SLC2A3: variants seen among roughly 807,000 people sequenced by gnomAD.
SLC2A3 encodes the protein solute carrier family 2, facilitated glucose transporter member 3.
A neutral mutation model predicts 46.4 loss-of-function variants in SLC2A3; 21 were observed. The ratio of observed to expected loss-of-function variants is 0.45; its 90% confidence interval spans 0.32 to 0.65. The LOEUF (loss-of-function observed/expected upper bound fraction) is 0.65, where lower values mean the gene tolerates loss of function less well. Ranked by LOEUF, SLC2A3 falls within the 30% of genes least tolerant of loss-of-function variation. SLC2A3 has a pLI of 0.04. For missense variants in SLC2A3, 499 were observed against 623.3 expected, an observed-to-expected ratio of 0.80 and a Z score of 2.12; for synonymous variants, 213 against 239.4, an observed-to-expected ratio of 0.89 and a Z score of 1.02.
rs1268020020 is a variant in SLC2A3 at position 7,929,918 on chromosome 12, C to T, written c.674-47G>A. ...AAAGGATAAAAGAGAATGTGCTGCC[C>T]CAAATTCATTCTTCCTGTAAGGCAG... On this transcript the variant is annotated intron_variant, in intron 5 of 9. Transcript: ENST00000075120. 6 of 1,612,636 alleles carry T rather than the reference C, an allele frequency of 3.7e-6. No homozygotes were observed. In the Admixed American group the frequency reaches 5.0e-5, roughly 13 times the overall value.
rs1946038465 is a variant in SLC2A3, at chr12:7,921,749, G to A, written c.1273-118C>T. 8 of 1,140,910 alleles carry A rather than the reference G, an allele frequency of 7.0e-6. No homozygotes were observed. In the Admixed American group the frequency reaches 2.2e-4, roughly 32 times the overall value. 70.7% of individuals were successfully genotyped at this position (1,140,910 alleles called of 1,614,324 possible). On this transcript the variant is annotated intron_variant, in intron 9 of 9. Transcript: ENST00000075120. ...AAGCTATAACCCTTCCATATTTAAT[G>A]AAAACAGGTTTCTTCAGATTCGCTT...
Position 7,936,040 on chromosome 12 carries a change from T to A in SLC2A3, c.-6A>T. The A allele has an allele frequency of 6.2e-7, 1 of 1,607,060 alleles. No individual in the cohort carries two copies. The highest frequency in any genetic ancestry group is 8.5e-7 in the Non-Finnish European group (1 of 1,173,584). ...CTTACCTTCTGTGTCCCCATCGCTG[T>A]AATCTAATTCAAGTCTTCAAGAAAG... On this transcript the variant is annotated 5_prime_UTR_variant, in exon 1 of 10. Coordinates refer to ENST00000075120, the MANE Select transcript of SLC2A3 (RefSeq NM_006931.3).
At chr12:7,928,868 AGGCTTGACTCCTG>A (rs2121192104) in intron 6 of SLC2A3, among the ~76,000 whole-genome samples, 1 of 151,804 alleles carries the variant, frequency 6.6e-6, no homozygotes, top group Non-Finnish European at 1.5e-5. Context: ...TATATTTCCC[AGGCTTGACTCCTG>A]GGCCTAAGTG....
chr12:7,926,282 G>C (rs1946094212), intron 6 of SLC2A3, among the ~76,000 whole-genome samples: 1 of 152,050 alleles, frequency 6.6e-6, no homozygotes, highest in African/African-American at 2.4e-5. Flanking sequence ...GTAGAGATGG[G>C]TTTTCACCTT....
At position 7,925,683 on chromosome 12, in the gene SLC2A3, G is replaced by T. The variant is rs189940236; in HGVS notation, c.966+161C>A. On this transcript the variant is annotated intron_variant, in intron 7 of 9. Coordinates refer to ENST00000075120, the MANE Select transcript of SLC2A3 (RefSeq NM_006931.3). ...CCCATCCATCCCATATTTGCTTGAA[G>T]AGTGAAGACTACATCCAACATTAAA... 595 of 604,420 alleles carry T rather than the reference G, an allele frequency of 9.8e-4. 9 individuals are homozygous for T. The East Asian group carries it at 0.014, about 14-fold the overall frequency. The allele number at this position is 604,420 out of a possible 1,614,324, so 37.4% of individuals were successfully genotyped here. A position where few individuals can be genotyped will look rare whatever the true frequency, so the allele number is the denominator to read the frequency against.
intron 3 of SLC2A3, chr12:7,932,566 A>G (rs1364092928): frequency 1.8e-5 from 3 of 163,814 alleles, no homozygotes; most frequent in African/African-American, 7.2e-5. Flanking sequence ...TCTATAGAAT[A>G]AGACTTTTTT....
chr12:7,926,038 TAAG>T, intron 6 of SLC2A3, 90 bp from the exon 7 acceptor site: 1 of 1,058,934 alleles, frequency 9.4e-7, no homozygotes, highest in South Asian at 1.3e-5. Flanking sequence ...TCCCAGTGGG[TAAG>T]AAGTCCTTTT....
chr12:7,935,596 T>C (rs756218880), intron 1 of SLC2A3, among the ~76,000 whole-genome samples: 1 of 152,208 alleles, frequency 6.6e-6, no homozygotes, highest in Non-Finnish European at 1.5e-5. Context: ...CCATATGTTA[T>C]AGGACAAACA....
intron 7 of SLC2A3, among the ~76,000 whole-genome samples, chr12:7,925,090 T>C (rs767708337): frequency 1.3e-5 from 2 of 152,408 alleles, no homozygotes; most frequent in African/African-American, 4.8e-5. Context: ...CTCATCTATG[T>C]GCTAGGAGTG....
intron 8 of SLC2A3, among the ~76,000 whole-genome samples, chr12:7,924,143 T>C (rs187276759): frequency 1.4e-4 from 22 of 152,212 alleles, no homozygotes; most frequent in African/African-American, 5.1e-4. Flanking sequence ...CATCATCTAT[T>C]AAGTGTGATT....
chr12:7,933,684 C>T, intron 2 of SLC2A3, 126 bp downstream of exon 2: 2 of 969,628 alleles, frequency 2.1e-6, no homozygotes, highest in Non-Finnish European at 3.1e-6. Flanking sequence ...AAGCCTCAGC[C>T]TCAGGAGTAG....
chr12:7,921,672 C>G, intron 9 of SLC2A3, 41 bp from the exon 10 acceptor site: 1 of 1,584,012 alleles, frequency 6.3e-7, no homozygotes, highest in East Asian at 2.3e-5. Context: ...ATATAAAAAT[C>G]TGGTCATTGA....
In SLC2A3 at chr12:7,924,518, G is replaced by A. The variant is rs774901935; in HGVS notation, c.967-7C>T. 2 of 1,594,244 alleles carry A rather than the reference G, an allele frequency of 1.3e-6. No homozygotes were observed. Among genetic ancestry groups the A allele is most frequent in the Non-Finnish European group, 1.7e-6 (2 of 1,173,366 alleles). On this transcript the variant is annotated splice_region_variant and splice_polypyrimidine_tract_variant and intron_variant, in intron 7 of 9. Coordinates refer to ENST00000075120, the MANE Select transcript of SLC2A3 (RefSeq NM_006931.3). ...CCCTTTCCACCAGAAATAGCTGGAA[G>A]AAGAATATGACATGAAACTTCAGTT... is the stretch of plus-strand genomic sequence containing the variant.
In SLC2A3 at chr12:7,933,082, C is replaced by G. The variant is rs1946174910; in HGVS notation, c.174G>C (p.Leu58=). The G allele has an allele frequency of 6.2e-7, 1 of 1,614,102 alleles. No homozygotes were observed. The highest frequency in any genetic ancestry group is 1.3e-5 in the African/African-American group (1 of 74,998). The stretch of plus-strand genomic sequence containing the variant: ...CAGACAAGGACCAGAGAGACGTGAG[C>G]AGCACCTCAGAGGGTGGGGCATTTC... ...DKGNAPPSEV[L]LTSLWSLSVA... The change falls in exon 3 of 10, where the codon CTG becomes CTC. Residue 58 remains leucine, a synonymous_variant. Coordinates refer to ENST00000075120, the MANE Select transcript of SLC2A3 (RefSeq NM_006931.3).
intron 6 of SLC2A3, among the ~76,000 whole-genome samples, chr12:7,926,396 TTC>T (rs1224865460): frequency 6.6e-6 from 1 of 152,202 alleles, no homozygotes; most frequent in East Asian, 1.9e-4. Flanking sequence ...TGGCCCTCCT[TTC>T]TCTCTCTAAA....
intron 6 of SLC2A3, 107 bp downstream of exon 6, chr12:7,929,570 TCCTCTTA>T (rs1055286686): frequency 2.8e-6 from 4 of 1,450,202 alleles, no homozygotes; most frequent in Non-Finnish European, 3.7e-6. Context: ...GCTCAAGTGA[TCCTCTTA>T]CCTCAGCCTC....
At position 7,923,237 on chromosome 12, in the gene SLC2A3, T is replaced by C. The variant is rs756300591; in HGVS notation, c.1069-213A>G. 179 of 529,254 alleles carry C rather than the reference T, an allele frequency of 3.4e-4. 1 individual carries two copies. The highest frequency in any genetic ancestry group is 1.6e-3 in the Admixed American group (46 of 28,582). The allele number at this position is 529,254 out of a possible 1,614,324, so 32.8% of individuals were successfully genotyped here. On this transcript the variant is annotated intron_variant, in intron 8 of 9. Transcript: ENST00000075120. Reference sequence around the variant, plus strand: ...ATGCTGGAGGGCAGTGGCACTACAATAGCTCACTGCATCATCGATCTCCTG... The same window carrying C: ...ATGCTGGAGGGCAGTGGCACTACAACAGCTCACTGCATCATCGATCTCCTG...
In SLC2A3 at chr12:7,921,261, G is replaced by A. The variant is rs1274597917; in HGVS notation, c.*152C>T. On this transcript the variant is annotated 3_prime_UTR_variant, in exon 10 of 10. Transcript: ENST00000075120. Reference sequence around the variant, plus strand: ...AAAGCCATTGAAGATCCAACAAACCGCAGCCTTGGGGTGCTCATGGAGTGC... The same window carrying A: ...AAAGCCATTGAAGATCCAACAAACCACAGCCTTGGGGTGCTCATGGAGTGC... The A allele has an allele frequency of 1.2e-5, 18 of 1,469,264 alleles. 1 individual carries two copies. The highest frequency in any genetic ancestry group is 2.1e-5 in the Admixed American group (1 of 47,730). 91.0% of individuals were successfully genotyped at this position (1,469,264 alleles called of 1,614,324 possible).
Position 7,920,899 on chromosome 12 carries a change from TTA to T in SLC2A3, c.*512_*513del, listed in dbSNP as rs996312914. 1,233 of 7,296 alleles carry T rather than the reference TTA, an allele frequency of 0.17. No homozygotes were observed. Among genetic ancestry groups the T allele is most frequent in the South Asian group, 0.39 (194 of 496 alleles). 0.5% of individuals were successfully genotyped at this position (7,296 alleles called of 1,614,324 possible). A position where few individuals can be genotyped will look rare whatever the true frequency, so the allele number is the denominator to read the frequency against. ...GGCACATGTATCCTGAAACTTAAAG[TTA>T]AAAAAAAAAAATTATGTAATTAAAC... On this transcript the variant is annotated 3_prime_UTR_variant, in exon 10 of 10. Coordinates refer to ENST00000075120, the MANE Select transcript of SLC2A3 (RefSeq NM_006931.3).
Sources: allele counts gnomAD v4.1 joint callset (sites outside exome capture counted in the v4.1 genomes callset), GRCh38; gene constraint gnomAD v4.1.1; transcripts MANE v1.5; gene names NCBI Gene and HGNC (gene_info 2026-07-23, HGNC 2026-07-21).